Variants in C18orf54 observed in about 807,000 individuals in gnomAD.
C18orf54 encodes lung adenoma susceptibility protein 2.
Under a neutral mutation model 49.3 loss-of-function variants are expected in C18orf54, and 49 were observed. The observed-to-expected ratio is 0.99, with a 90% CI of 0.79 to 1.26. The LOEUF (loss-of-function observed/expected upper bound fraction) is 1.26, where lower values mean the gene tolerates loss of function less well. C18orf54 is among the 50% of genes most tolerant of loss of function. The pLI, the probability that C18orf54 is intolerant of heterozygous loss-of-function variation, is 0.00. For missense variants in C18orf54, 687 were observed against 620.6 expected (o/e 1.11, Z -1.14); for synonymous variants, 211 against 216.6 (o/e 0.97, Z 0.23).
At chr18:54,374,999 C>G (rs779390818) in intron 8 of C18orf54, among the ~76,000 whole-genome samples, 1 of 151,572 alleles carries the variant, frequency 6.6e-6, no homozygotes, top group Non-Finnish European at 1.5e-5. Flanking sequence ...TGTAAACTTA[C>G]GAATCTAATT....
At position 54,365,807 on chromosome 18, in the gene C18orf54, A is replaced by G. The variant is rs747832140; in HGVS notation, c.1312A>G (p.Asn438Asp). The G allele has an allele frequency of 1.3e-6, 2 of 1,570,642 alleles. No homozygotes were observed. The highest frequency in any genetic ancestry group is 1.7e-6 in the Non-Finnish European group (2 of 1,149,832). ...SAKGVLEDFL[N>D]NDNQSCTLSG... Reference sequence around the variant, plus strand: ...TAAAGGGGTTCTTGAAGACTTTCTAAATAATGATAATCAGGTGGGTGAAAT... The same window carrying G: ...TAAAGGGGTTCTTGAAGACTTTCTAGATAATGATAATCAGGTGGGTGAAAT... The change falls in exon 6 of 9, where the codon AAT becomes GAT. Residue 438 changes from asparagine to aspartate, a missense_variant. Physicochemically the swap from Asn to Asp is conservative, Grantham distance 23. Coordinates refer to ENST00000620105, the MANE Select transcript of C18orf54 (RefSeq NM_001288980.2).
In C18orf54 at chr18:54,378,640, T is replaced by C. The variant is rs2089615736; in HGVS notation, c.*394T>C. Reference sequence around the variant, plus strand: ...CTTACTGGTTTTTATCCAAAATCTTTTACGTTAAATAGACTTTTTTAAAGA... The same window carrying C: ...CTTACTGGTTTTTATCCAAAATCTTCTACGTTAAATAGACTTTTTTAAAGA... On this transcript the variant is annotated 3_prime_UTR_variant, in exon 9 of 9. Coordinates refer to ENST00000620105, the MANE Select transcript of C18orf54 (RefSeq NM_001288980.2). 1 of 154,594 alleles carries C rather than the reference T, an allele frequency of 6.5e-6. No individual in the cohort carries two copies. Among genetic ancestry groups the C allele is most frequent in the Admixed American group, 6.5e-5 (1 of 15,426 alleles). 9.6% of individuals were successfully genotyped at this position (154,594 alleles called of 1,614,324 possible).
chr18:54,360,655 G>A lies in C18orf54; in HGVS notation c.83G>A (p.Gly28Asp), dbSNP rs3819129. ...SALLASCTLS[G>D]SNSSNSDGSF... ...CTGCTGGCAAGCTGCACCCTGAGTG[G>A]TAGTAATTCCTCTAATTCTGATGGC... The change falls in exon 3 of 9, where the codon GGT (glycine) becomes GAT (aspartate). Residue 28 changes from glycine to aspartate, a missense_variant. By Grantham distance (94) the Gly-to-Asp change is moderately conservative. Coordinates refer to ENST00000620105, the MANE Select transcript of C18orf54 (RefSeq NM_001288980.2). The A allele has an allele frequency of 2.8e-4, 446 of 1,614,040 alleles. 1 individual carries two copies. In the East Asian group the frequency reaches 9.7e-3, roughly 35 times the overall value.
Position 54,379,526 on chromosome 18 carries a change from G to GT in C18orf54, c.*1286dup, listed in dbSNP as rs1425423664. On this transcript the variant is annotated 3_prime_UTR_variant, in exon 9 of 9. Coordinates refer to ENST00000620105, the MANE Select transcript of C18orf54 (RefSeq NM_001288980.2). ...TTTTTTTTTTTTTTTTTGCCCGTGAGTTTTTTACCATGCTGCTCTGACCAG... is the reference window on the plus strand; with the variant it reads ...TTTTTTTTTTTTTTTTTGCCCGTGAGTTTTTTTACCATGCTGCTCTGACCAG... The GT allele has an allele frequency of 1.4e-5, 2 of 144,844 alleles. No homozygotes were observed. Among genetic ancestry groups the GT allele is most frequent in the Non-Finnish European group, 3.0e-5 (2 of 66,596 alleles). 9.0% of individuals were successfully genotyped at this position (144,844 alleles called of 1,614,324 possible).
intron 6 of C18orf54, among the ~76,000 whole-genome samples, chr18:54,367,996 T>C (rs1386243855): frequency 2.6e-5 from 4 of 152,178 alleles, no homozygotes; most frequent in African/African-American, 9.6e-5. Flanking sequence ...TAAAATTCCA[T>C]TCATCGAATT....
rs1208214075 is a variant in C18orf54 at position 54,380,217 on chromosome 18, G to T, written c.*1971G>T. ...TTTATTTATAATTTTAATATCTCAG[G>T]GTTCTTTTTAGGTTTCCAGGGGAAA... On this transcript the variant is annotated 3_prime_UTR_variant, in exon 9 of 9. Coordinates refer to ENST00000620105, the MANE Select transcript of C18orf54 (RefSeq NM_001288980.2). The T allele has an allele frequency of 6.6e-6, 1 of 151,828 alleles. No homozygotes were observed. The highest frequency in any genetic ancestry group is 2.4e-5 in the African/African-American group (1 of 41,354). 9.4% of individuals were successfully genotyped at this position (151,828 alleles called of 1,614,324 possible). A position where few individuals can be genotyped will look rare whatever the true frequency, so the allele number is the denominator to read the frequency against.
intron 5 of C18orf54, chr18:54,364,071 A>G (rs1284727875): frequency 1.3e-5 from 2 of 152,070 alleles, no homozygotes; most frequent in African/African-American, 2.4e-5. Context: ...ATGATTATCT[A>G]GAATATTTTA....
chr18:54,362,189 A>ATT lies in C18orf54; in HGVS notation c.830_831insTT (p.Gln277HisfsTer2). ...GACTTGCTACCTGATGCAAATAGTC[A>ATT]AAGGGTTTATCAGATATTTAAAGAT... On this transcript the variant is annotated frameshift_variant, in exon 4 of 9. Coordinates refer to ENST00000620105, the MANE Select transcript of C18orf54 (RefSeq NM_001288980.2). LOFTEE classifies it high-confidence loss of function. The ATT allele has an allele frequency of 2.0e-6, 3 of 1,536,206 alleles. No homozygotes were observed. Among genetic ancestry groups the ATT allele is most frequent in the Non-Finnish European group, 2.6e-6 (3 of 1,146,886 alleles).
chr18:54,378,128 G>T (rs3753057), intron 8 of C18orf54, 46 bp from the exon 9 acceptor site: 5 of 1,485,198 alleles, frequency 3.4e-6, no homozygotes, highest in Non-Finnish European at 4.6e-6. Flanking sequence ...TGGCTATTCA[G>T]TTCTTAATAA....
At chr18:54,377,475 T>C (rs2144758571) in intron 8 of C18orf54, among the ~76,000 whole-genome samples, 1 of 152,302 alleles carries the variant, frequency 6.6e-6, no homozygotes, top group South Asian at 2.1e-4. Flanking sequence ...AACTGAAATA[T>C]AGGGGAGAGA....
At chr18:54,368,126 CATT>C (rs1402218650) in intron 6 of C18orf54, among the ~76,000 whole-genome samples, 1 of 151,684 alleles carries the variant, frequency 6.6e-6, no homozygotes, top group Non-Finnish European at 1.5e-5. Flanking sequence ...TTTTTTGTAT[CATT>C]GAGTTTTTTT....
At chr18:54,367,271 G>A (rs560507016) in intron 6 of C18orf54, among the ~76,000 whole-genome samples, 23 of 152,042 alleles carry the variant, frequency 1.5e-4, no homozygotes, top group African/African-American at 4.3e-4. Flanking sequence ...TGGTTTGGTA[G>A]TTTTCTGTAG....
At chr18:54,373,300 T>A (rs1057025561) in intron 7 of C18orf54, among the ~76,000 whole-genome samples, 4 of 151,792 alleles carry the variant, frequency 2.6e-5, no homozygotes, top group Non-Finnish European at 5.9e-5. Flanking sequence ...ATTATTGATT[T>A]TTAATTGACA....
At chr18:54,359,132 C>T (rs2089208998) in intron 2 of C18orf54, among the ~76,000 whole-genome samples, 1 of 152,182 alleles carries the variant, frequency 6.6e-6, no homozygotes, top group African/African-American at 2.4e-5. Flanking sequence ...GTTGAAATAA[C>T]TAGTAAATGT....
chr18:54,373,310 AATAT>A (rs1004402251), intron 7 of C18orf54, among the ~76,000 whole-genome samples: 1 of 151,644 alleles, frequency 6.6e-6, no homozygotes, highest in Admixed American at 6.6e-5. Context: ...TTTAATTGAC[AATAT>A]ATATATATTT....
chr18:54,373,092 A>G (rs539817063), intron 7 of C18orf54, among the ~76,000 whole-genome samples: 23 of 151,778 alleles, frequency 1.5e-4, no homozygotes, highest in African/African-American at 4.3e-4. Context: ...CAATTTGTGT[A>G]TTTCCCGGGA....
intron 8 of C18orf54, 116 bp downstream of exon 8, chr18:54,374,400 G>T: frequency 9.3e-7 from 1 of 1,076,900 alleles, no homozygotes; most frequent in Non-Finnish European, 1.2e-6. Flanking sequence ...GCATATTTAA[G>T]CTTCTTGGAG....
Position 54,360,700 on chromosome 18 carries a change from A to G in C18orf54, c.128A>G (p.Lys43Arg), listed in dbSNP as rs148294758. ...NSDGSFHYKD[K>R]LYRSASQALQ... ...GATGGCTCGTTTCACTATAAAGATAAGCTGTACAGATCTGCTTCTCAAGCT... is the reference window on the plus strand; with the variant it reads ...GATGGCTCGTTTCACTATAAAGATAGGCTGTACAGATCTGCTTCTCAAGCT... Residue 43 changes from lysine (K) to arginine (R), a missense_variant, in exon 3 of 9, where the codon AAG (lysine) becomes AGG (arginine). Physicochemically the swap from Lys to Arg is conservative, Grantham distance 26 (BLOSUM62 2). Transcript: ENST00000620105. 250 of 1,614,128 alleles carry G rather than the reference A, an allele frequency of 1.5e-4. No individual in the cohort carries two copies. The highest frequency in any genetic ancestry group is 8.3e-4 in the African/African-American group (62 of 75,052).
At chr18:54,368,134 T>G (rs2089420121) in intron 6 of C18orf54, among the ~76,000 whole-genome samples, 1 of 152,104 alleles carries the variant, frequency 6.6e-6, no homozygotes, top group Non-Finnish European at 1.5e-5. Flanking sequence ...ATCATTGAGT[T>G]TTTTTAAAAA....
Sources: gnomAD v4.1 joint callset for allele counts (sites outside exome capture counted in the v4.1 genomes callset) on GRCh38, gnomAD v4.1.1 for gene constraint, MANE v1.5 for transcripts, NCBI Gene and HGNC (gene_info 2026-07-23, HGNC 2026-07-21) for gene names.